Variants in NCOR1 observed in about 807,000 individuals in gnomAD.
NCOR1 encodes nuclear receptor corepressor 1, also known as protein phosphatase 1, regulatory subunit 109.
In NCOR1, 63 loss-of-function variants were observed where a neutral mutation model predicts 288.1. The observed-to-expected ratio is 0.22, with a 90% CI of 0.18 to 0.27. The LOEUF is 0.27. Ranked by LOEUF, NCOR1 falls within the 10% of genes least tolerant of loss-of-function variation. The pLI is 1.00. For missense variants in NCOR1, 2,397 were observed against 3,019.2 expected (o/e 0.79, Z 4.83); for synonymous variants, 1,007 against 1,065.9 (o/e 0.94, Z 1.08).
intron 32 of NCOR1, 62 bp from the exon 33 acceptor site, chr17:16,065,756 C>T (rs2061043511): frequency 7.0e-7 from 1 of 1,437,456 alleles, no homozygotes; most frequent in Admixed American, 1.7e-5. Flanking sequence ...ATTTGCTAAA[C>T]ACCACGTACA....
chr17:16,043,450 C>T (rs1158795291), intron 42 of NCOR1, among the ~76,000 whole-genome samples: 2 of 152,178 alleles, frequency 1.3e-5, no homozygotes, highest in Non-Finnish European at 2.9e-5. Flanking sequence ...TAGTACTTCC[C>T]TTAAGACATT....
intron 37 of NCOR1, 109 bp downstream of exon 37, chr17:16,061,292 A>T: frequency 7.5e-7 from 1 of 1,334,918 alleles, no homozygotes; most frequent in South Asian, 1.5e-5. Context: ...CATTACATTT[A>T]CTATCAACCG....
chr17:16,146,339 G>A, intron 10 of NCOR1, 37 bp downstream of exon 10: 1 of 1,533,246 alleles, frequency 6.5e-7, no homozygotes, highest in Non-Finnish European at 8.7e-7. Flanking sequence ...AATATTTGAA[G>A]AAAAATATCA....
Position 16,158,820 on chromosome 17 carries a change from G to A in NCOR1, c.672C>T (p.Ser224=), listed in dbSNP as rs72835314. ...AKPPEPEKPV[S]PPPVEQKHRS... ...GGTGTTTCTGCTCCACAGGAGGAGG[G>A]GACACGGGCTTCTCAGGCTCAGGAG... The change falls in exon 6 of 46, where the codon TCC becomes TCT. Residue 224 remains serine (S), a synonymous_variant. Coordinates refer to ENST00000268712, the MANE Select transcript of NCOR1 (RefSeq NM_006311.4). 1.2e-6 allele frequency: 2 copies of A among 1,614,056 alleles called. No individual in the cohort carries two copies. The highest frequency in any genetic ancestry group is 1.7e-6 in the Non-Finnish European group (2 of 1,179,984).
At chr17:16,128,481 T>A (rs2075097948) in intron 14 of NCOR1, among the ~76,000 whole-genome samples, 1 of 152,218 alleles carries the variant, frequency 6.6e-6, no homozygotes, top group Non-Finnish European at 1.5e-5. Context: ...AGAACAAGAA[T>A]CCAATCTTAC....
chr17:16,178,922 C>T lies in NCOR1; in HGVS notation c.243-6927G>A, dbSNP rs79992827. Among the ~76,000 whole-genome samples, 1,271 of 151,820 alleles carry T rather than the reference C, an allele frequency of 8.4e-3. 23 individuals are homozygous for T. Among genetic ancestry groups the T allele is most frequent in the African/African-American group, 0.028 (1,175 of 41,328 alleles). On this transcript the variant is annotated intron_variant, in intron 3 of 45. Transcript: ENST00000268712. ...GAGTTTGAGACCAGGTTGGCCAACA[C>T]GGTGAGACCCTGCTTCTACTAAAAC... is the stretch of plus-strand genomic sequence containing the variant.
chr17:16,045,460 G>C (rs181200909), intron 42 of NCOR1, among the ~76,000 whole-genome samples: 1 of 152,086 alleles, frequency 6.6e-6, no homozygotes, highest in Non-Finnish European at 1.5e-5. Flanking sequence ...CACATAGTAC[G>C]CTAGATAACC....
At chr17:16,137,907 T>C (rs2076651333) in intron 13 of NCOR1, 2 of 394,984 alleles carry the variant, frequency 5.1e-6, no homozygotes, top group Non-Finnish European at 8.9e-6. Context: ...TTAATGAGGC[T>C]CCAAAAGCAT....
At chr17:16,187,314 A>G (rs2086869367) in intron 2 of NCOR1, among the ~76,000 whole-genome samples, 1 of 151,894 alleles carries the variant, frequency 6.6e-6, no homozygotes, top group Non-Finnish European at 1.5e-5. Flanking sequence ...TCCTAGGTAT[A>G]TACCCCAAAG....
At chr17:16,181,007 A>G (rs572020093) in intron 3 of NCOR1, among the ~76,000 whole-genome samples, 2 of 152,234 alleles carry the variant, frequency 1.3e-5, no homozygotes, top group Admixed American at 6.5e-5. Context: ...AAAAATACAA[A>G]AAGTAGCTGG....
intron 40 of NCOR1, among the ~76,000 whole-genome samples, chr17:16,056,352 G>A (rs148655043): frequency 0.029 from 3,650 of 126,406 alleles, 159 homozygotes; most frequent in African/African-American, 0.1. Flanking sequence ...TCGCTCTGTC[G>A]CCCAGGCTGC....
intron 8 of NCOR1, among the ~76,000 whole-genome samples, chr17:16,149,998 AC>A (rs2078604966): frequency 6.6e-6 from 1 of 152,302 alleles, no homozygotes; most frequent in South Asian, 2.1e-4. Flanking sequence ...TTCTTCAGTC[AC>A]AGAATGACAC....
At chr17:16,171,385 C>A (rs1027574579) in intron 4 of NCOR1, among the ~76,000 whole-genome samples, 1 of 152,070 alleles carries the variant, frequency 6.6e-6, no homozygotes, top group African/African-American at 2.4e-5. Context: ...CACAATTCAA[C>A]CTTACCTGGA....
chr17:16,128,404 C>T (rs1050352001), intron 14 of NCOR1, among the ~76,000 whole-genome samples: 2 of 152,232 alleles, frequency 1.3e-5, no homozygotes, highest in African/African-American at 2.4e-5. Flanking sequence ...GCTTGTAGCA[C>T]TGTCACTAGG....
intron 17 of NCOR1, 33 bp from the exon 18 acceptor site, chr17:16,118,060 AAC>A (rs1221810295): frequency 3.1e-6 from 5 of 1,596,248 alleles, no homozygotes; most frequent in Admixed American, 3.5e-5. Flanking sequence ...ATGTTAATTG[AAC>A]AGTCACCTGA....
intron 3 of NCOR1, among the ~76,000 whole-genome samples, chr17:16,183,698 T>A (rs904869574): frequency 3.3e-5 from 5 of 152,154 alleles, no homozygotes; most frequent in African/African-American, 1.2e-4. Flanking sequence ...CAATTCTTAT[T>A]AAAATCCCAA....
chr17:16,083,826 G>A (rs577847057), intron 23 of NCOR1, among the ~76,000 whole-genome samples: 3 of 151,768 alleles, frequency 2.0e-5, no homozygotes, highest in South Asian at 4.2e-4. Flanking sequence ...CATTTCTACA[G>A]TTAAGTTGGT....
At chr17:16,202,901 C>T (rs927620767) in intron 1 of NCOR1, among the ~76,000 whole-genome samples, 7 of 152,250 alleles carry the variant, frequency 4.6e-5, no homozygotes, top group African/African-American at 1.7e-4. Context: ...TTGGTACACA[C>T]CTTAGAAACA....
intron 5 of NCOR1, among the ~76,000 whole-genome samples, chr17:16,164,534 CA>C (rs1568420775): frequency 6.6e-6 from 1 of 151,930 alleles, no homozygotes; most frequent in African/African-American, 2.4e-5. Flanking sequence ...CGATATCAAG[CA>C]AAGGCAAAAA....
Sources: allele counts gnomAD v4.1 joint callset (sites outside exome capture counted in the v4.1 genomes callset), GRCh38; gene constraint gnomAD v4.1.1; transcripts MANE v1.5; gene names NCBI Gene and HGNC (gene_info 2026-07-23, HGNC 2026-07-21).